Variants in SEMA3A observed in about 807,000 individuals in gnomAD.
The protein encoded by SEMA3A is semaphorin 3A, also known as semaphorin-3A.
Under a neutral mutation model 97.9 loss-of-function variants are expected in SEMA3A, and 29 were observed. The observed-to-expected ratio is 0.30, with a 90% CI of 0.22 to 0.40. SEMA3A has a LOEUF of 0.40. SEMA3A is among the 10% of genes least tolerant of loss of function. The pLI is 1.00. For missense variants in SEMA3A, 763 were observed against 951.3 expected, an observed-to-expected ratio of 0.80 and a Z score of 2.60; for synonymous variants, 321 against 323.7, an observed-to-expected ratio of 0.99 and a Z score of 0.09.
intron 1 of SEMA3A, among the ~76,000 whole-genome samples, chr7:84,137,954 A>G (rs888313492): frequency 5.9e-5 from 9 of 152,166 alleles, no homozygotes; most frequent in Non-Finnish European, 1.2e-4. Context: ...GCAAACTAGG[A>G]CAAGTTCCTT....
intron 6 of SEMA3A, among the ~76,000 whole-genome samples, chr7:84,038,278 C>T (rs763533964): frequency 1.3e-5 from 2 of 152,024 alleles, no homozygotes; most frequent in Non-Finnish European, 2.9e-5. Flanking sequence ...TGATTGCTTT[C>T]CTAGAAATAT....
Position 84,241,355 on chromosome 7 carries a change from G to A in SEMA3A, c.-82-46687C>T, listed in dbSNP as rs568509908. Among the ~76,000 whole-genome samples the A allele has an allele frequency of 2.6e-5, 4 of 152,288 alleles. No homozygotes were observed. In the South Asian group the frequency reaches 8.3e-4, roughly 32 times the overall value. Reference sequence around the variant, plus strand: ...TTGATTTGCATTTCTCTAATGACCAGTGATGATGAGCTTTTTTTCATATGT... The same window carrying A: ...TTGATTTGCATTTCTCTAATGACCAATGATGATGAGCTTTTTTTCATATGT... On this transcript the variant is annotated intron_variant, in intron 3 of 3. Transcript: ENST00000424555.
At chr7:84,013,305 TAA>T (rs1364979400) in intron 7 of SEMA3A, among the ~76,000 whole-genome samples, 2 of 152,218 alleles carry the variant, frequency 1.3e-5, no homozygotes, top group Non-Finnish European at 2.9e-5. Context: ...TAATAATCTA[TAA>T]GTGTTTATTG....
At chr7:84,388,540 C>G (rs1803459927) in intron 1 of SEMA3A, among the ~76,000 whole-genome samples, 1 of 151,874 alleles carries the variant, frequency 6.6e-6, no homozygotes, top group Non-Finnish European at 1.5e-5. Context: ...CATATACTTT[C>G]TATATTTCCA....
chr7:84,374,826 T>C (rs1479354773), intron 1 of SEMA3A, among the ~76,000 whole-genome samples: 1 of 152,062 alleles, frequency 6.6e-6, no homozygotes, highest in Non-Finnish European at 1.5e-5. Flanking sequence ...ATTGACAGTA[T>C]ATAGGGAATC....
intron 1 of SEMA3A, among the ~76,000 whole-genome samples, chr7:84,474,034 G>C (rs1490877177): frequency 2.0e-5 from 3 of 151,884 alleles, no homozygotes; most frequent in Non-Finnish European, 2.9e-5. Flanking sequence ...AATGGCTTTC[G>C]GTCTCATCTA....
intron 2 of SEMA3A, among the ~76,000 whole-genome samples, chr7:84,359,826 G>T (rs1032832311): frequency 2.2e-4 from 34 of 152,118 alleles, no homozygotes; most frequent in African/African-American, 8.0e-4. Context: ...GCCTGTTATT[G>T]GTCTATTCAG....
At chr7:84,150,822 G>A (rs1796631639) in intron 1 of SEMA3A, among the ~76,000 whole-genome samples, 1 of 151,968 alleles carries the variant, frequency 6.6e-6, no homozygotes, top group African/African-American at 2.4e-5. Context: ...AGTAACCTCT[G>A]CAGACTTAAA....
At chr7:84,056,519 T>C (rs1197849129) in intron 5 of SEMA3A, among the ~76,000 whole-genome samples, 1 of 152,092 alleles carries the variant, frequency 6.6e-6, no homozygotes, top group Non-Finnish European at 1.5e-5. Context: ...CAAGCCATTA[T>C]GTTGTTAACA....
chr7:84,027,030 ATGTG>A (rs1200980009), intron 6 of SEMA3A, among the ~76,000 whole-genome samples: 2 of 152,170 alleles, frequency 1.3e-5, no homozygotes, highest in Non-Finnish European at 2.9e-5. Context: ...AAGCAAAATT[ATGTG>A]TGTGTACCTA....
rs529779760 is a variant in SEMA3A, at chr7:84,338,951, T to C, written c.-168-31659A>G. On this transcript the variant is annotated intron_variant, in intron 2 of 3. Coordinates refer to the SEMA3A transcript ENST00000424555. Reference sequence around the variant, plus strand: ...AAAAACATGTTTTAGGTTATTTTCATCAGAAGTGAGGTTTTACTTGAATTT... The same window carrying C: ...AAAAACATGTTTTAGGTTATTTTCACCAGAAGTGAGGTTTTACTTGAATTT... 3.9e-5 allele frequency among the ~76,000 whole-genome samples: 6 copies of C among 152,290 alleles called. 1 individual carries two copies. The South Asian group carries it at 1.2e-3, about 32-fold the overall frequency.
At chr7:84,211,457 A>T (rs74699001) in intron 3 of SEMA3A, among the ~76,000 whole-genome samples, 1 of 120,656 alleles carries the variant, frequency 8.3e-6, no homozygotes, top group East Asian at 2.7e-4. Flanking sequence ...CTAAAAATAC[A>T]AAAAAAAAAA....
At chr7:84,370,073 G>A (rs774667073) in intron 2 of SEMA3A, among the ~76,000 whole-genome samples, 6 of 151,224 alleles carry the variant, frequency 4.0e-5, no homozygotes, top group Non-Finnish European at 5.9e-5. Flanking sequence ...TGATTGAAGC[G>A]CAACATTTTA....
At chr7:84,390,082 A>T (rs1803501594) in intron 1 of SEMA3A, among the ~76,000 whole-genome samples, 1 of 152,032 alleles carries the variant, frequency 6.6e-6, no homozygotes, top group Admixed American at 6.6e-5. Flanking sequence ...TGTTATGATT[A>T]TTTTTTACCA....
chr7:84,479,108 A>G (rs900691560), intron 1 of SEMA3A, among the ~76,000 whole-genome samples: 1 of 152,180 alleles, frequency 6.6e-6, no homozygotes, highest in Middle Eastern at 3.2e-3. Context: ...TTTTACAGCT[A>G]TCCACAGAAT....
intron 4 of SEMA3A, among the ~76,000 whole-genome samples, chr7:84,082,645 G>T (rs1364446185): frequency 1.3e-5 from 2 of 151,884 alleles, no homozygotes; most frequent in African/African-American, 4.8e-5. Flanking sequence ...TAGTCCCAAG[G>T]TCCTTTTAAA....
At chr7:84,434,365 T>C (rs1805069035) in intron 1 of SEMA3A, among the ~76,000 whole-genome samples, 1 of 151,926 alleles carries the variant, frequency 6.6e-6, no homozygotes, top group Non-Finnish European at 1.5e-5. Context: ...ATTGAATCAG[T>C]AGTAAAAAAT....
intron 1 of SEMA3A, among the ~76,000 whole-genome samples, chr7:84,144,712 A>C (rs1157760305): frequency 1.3e-5 from 2 of 152,162 alleles, no homozygotes; most frequent in Non-Finnish European, 2.9e-5. Context: ...CTTTCAAATG[A>C]GAGAGGCATC....
upstream of SEMA3A, among the ~76,000 whole-genome samples, chr7:84,198,248 T>A (rs1460198599): frequency 6.6e-6 from 1 of 151,974 alleles, no homozygotes; most frequent in African/African-American, 2.4e-5. Context: ...CAGGCTGGAG[T>A]GCAGTGGCAC....
Sources: allele counts gnomAD v4.1 joint callset (sites outside exome capture counted in the v4.1 genomes callset), GRCh38; gene constraint gnomAD v4.1.1; transcripts MANE v1.5; gene names NCBI Gene and HGNC (gene_info 2026-07-23, HGNC 2026-07-21).